Variants in SIPA1L3 observed in about 807,000 individuals in gnomAD.
The protein encoded by SIPA1L3 is signal induced proliferation associated 1 like 3.
A neutral mutation model predicts 150.1 loss-of-function variants in SIPA1L3; 59 were observed. The observed-to-expected ratio is 0.39, with a 90% CI of 0.32 to 0.49. The LOEUF (loss-of-function observed/expected upper bound fraction) is 0.49. Ranked by LOEUF, SIPA1L3 falls within the 20% of genes least tolerant of loss-of-function variation. The pLI, the probability that SIPA1L3 is intolerant of heterozygous loss-of-function variation, is 0.86. For missense variants in SIPA1L3, 2,211 were observed against 2,489.5 expected, an observed-to-expected ratio of 0.89 and a Z score of 2.38; for synonymous variants, 1,070 against 1,077.6, an observed-to-expected ratio of 0.99 and a Z score of 0.14.
intron 1 of SIPA1L3, among the ~76,000 whole-genome samples, chr19:38,028,602 G>C (rs1266247493): frequency 3.3e-5 from 5 of 152,010 alleles, no homozygotes; most frequent in Non-Finnish European, 7.4e-5. Context: ...TCCCCTACTA[G>C]AATGTCTGCT....
chr19:38,163,489 CAAAA>C (rs34366358), intron 14 of SIPA1L3, among the ~76,000 whole-genome samples: 4 of 51,316 alleles, frequency 7.8e-5, no homozygotes, highest in Non-Finnish European at 1.5e-4. Context: ...GACTCTATCT[CAAAA>C]AAAAAAAAAA....
At chr19:37,993,806 T>C (rs1349876652) in intron 1 of SIPA1L3, among the ~76,000 whole-genome samples, 1 of 152,234 alleles carries the variant, frequency 6.6e-6, no homozygotes, top group Non-Finnish European at 1.5e-5. Context: ...TTCCACCAGA[T>C]TGTTCAAGGT....
At chr19:37,993,619 T>A (rs1439244511) in intron 1 of SIPA1L3, among the ~76,000 whole-genome samples, 1 of 152,162 alleles carries the variant, frequency 6.6e-6, no homozygotes, top group African/African-American at 2.4e-5. Context: ...GGGGAACAGA[T>A]CCCTAACGGG....
intron 8 of SIPA1L3, among the ~76,000 whole-genome samples, chr19:38,111,899 ACACACACACATGCATG>A (rs1421664169): frequency 1.3e-5 from 2 of 151,278 alleles, no homozygotes; most frequent in Non-Finnish European, 2.9e-5. Flanking sequence ...AGGCACATGC[ACACACACACATGCATG>A]CACGCATCCG....
intron 8 of SIPA1L3, among the ~76,000 whole-genome samples, chr19:38,110,898 G>T (rs1053909644): frequency 1.0e-3 from 153 of 152,258 alleles, no homozygotes; most frequent in African/African-American, 3.6e-3. Flanking sequence ...CCAGGCCTGG[G>T]CACTGGGCTT....
At chr19:38,098,432 T>C (rs913798036) in intron 4 of SIPA1L3, among the ~76,000 whole-genome samples, 6 of 147,306 alleles carry the variant, frequency 4.1e-5, no homozygotes, top group Non-Finnish European at 8.9e-5. Context: ...TCTCGCTCTG[T>C]CACCCGGGCT....
chr19:37,986,550 A>G (rs568177754), intron 1 of SIPA1L3, among the ~76,000 whole-genome samples: 1 of 152,296 alleles, frequency 6.6e-6, no homozygotes, highest in Admixed American at 6.5e-5. Flanking sequence ...AATTGTCAGG[A>G]TGTTTGTCGC....
chr19:38,093,122 G>T (rs1213199608), intron 4 of SIPA1L3, among the ~76,000 whole-genome samples: 3 of 152,114 alleles, frequency 2.0e-5, no homozygotes, highest in African/African-American at 7.2e-5. Flanking sequence ...GCCTCCCAAA[G>T]TGCCGGGATT....
chr19:38,043,574 A>G (rs560633411), intron 2 of SIPA1L3, among the ~76,000 whole-genome samples: 1 of 152,170 alleles, frequency 6.6e-6, no homozygotes, highest in Non-Finnish European at 1.5e-5. Flanking sequence ...CAGGCCCAAG[A>G]GGTTTAGGAA....
At chr19:37,983,194 C>T (rs1177734202) in intron 1 of SIPA1L3, among the ~76,000 whole-genome samples, 1 of 152,174 alleles carries the variant, frequency 6.6e-6, no homozygotes, top group African/African-American at 2.4e-5. Flanking sequence ...CAGAACTTAA[C>T]TTGCAGTATC....
chr19:37,909,502 G>C (rs1011852447), intron 1 of SIPA1L3, among the ~76,000 whole-genome samples: 5 of 152,018 alleles, frequency 3.3e-5, no homozygotes, highest in African/African-American at 1.2e-4. Flanking sequence ...GAACCACCGC[G>C]CCTGGCTGTG....
At chr19:37,963,140 T>A (rs1195316188) in intron 1 of SIPA1L3, among the ~76,000 whole-genome samples, 1 of 152,124 alleles carries the variant, frequency 6.6e-6, no homozygotes, top group Non-Finnish European at 1.5e-5. Flanking sequence ...TTTTCAAAGT[T>A]CAGTTTCTTC....
intron 20 of SIPA1L3, chr19:38,203,552 A>G (rs909930196): frequency 2.0e-5 from 3 of 152,572 alleles, no homozygotes; most frequent in African/African-American, 7.2e-5. Flanking sequence ...AAATCCTAGC[A>G]CCAGCACGTG....
intron 2 of SIPA1L3, among the ~76,000 whole-genome samples, chr19:38,044,158 T>C (rs1487377942): frequency 1.3e-5 from 2 of 152,120 alleles, no homozygotes; most frequent in Admixed American, 1.3e-4. Context: ...AGATACTGCA[T>C]TGAGGGACCC....
intron 2 of SIPA1L3, among the ~76,000 whole-genome samples, chr19:38,033,824 G>A (rs1351335099): frequency 2.0e-5 from 3 of 152,140 alleles, no homozygotes; most frequent in Non-Finnish European, 4.4e-5. Flanking sequence ...CTGGGTCAGG[G>A]GTTCTCAGCA....
chr19:37,956,345 T>G (rs2046810496), intron 1 of SIPA1L3, among the ~76,000 whole-genome samples: 1 of 152,258 alleles, frequency 6.6e-6, no homozygotes, highest in African/African-American at 2.4e-5. Context: ...GTTTGCCTAT[T>G]TCTTAATCTT....
At position 38,082,386 on chromosome 19, in the gene SIPA1L3, T is replaced by A. The variant is rs769698883; in HGVS notation, c.821T>A (p.Leu274Gln). The A allele has an allele frequency of 2.5e-6, 4 of 1,598,930 alleles. No homozygotes were observed. Among genetic ancestry groups the A allele is most frequent in the Non-Finnish European group, 3.4e-6 (4 of 1,178,252 alleles). ...GQPAKDSLLP[L>Q]QPTKEKEKAR... The stretch of plus-strand genomic sequence containing the variant: ...CCCGCCAAGGACAGCCTCCTGCCAC[T>A]GCAGCCCACGAAGGAGAAGGAGAAG... Residue 274 changes from leucine to glutamine, a missense_variant, in exon 3 of 22, where the codon CTG becomes CAG. Transcript: ENST00000222345.
intron 1 of SIPA1L3, among the ~76,000 whole-genome samples, chr19:37,934,030 A>C (rs928133330): frequency 1.3e-5 from 2 of 152,204 alleles, no homozygotes. Context: ...CCCTGCTTTA[A>C]TGGGTAATAA....
intron 2 of SIPA1L3, among the ~76,000 whole-genome samples, chr19:38,055,204 A>T (rs1167036197): frequency 1.3e-5 from 2 of 152,164 alleles, no homozygotes; most frequent in African/African-American, 2.4e-5. Flanking sequence ...AAAACCAGTA[A>T]GCCGTGGCTT....
Sources: allele counts gnomAD v4.1 joint callset (sites outside exome capture counted in the v4.1 genomes callset), GRCh38; gene constraint gnomAD v4.1.1; transcripts MANE v1.5; gene names NCBI Gene and HGNC (gene_info 2026-07-23, HGNC 2026-07-21).